The following FAM199X variants were observed in gnomAD, a reference collection of about 807,000 sequenced individuals.
FAM199X encodes the protein family with sequence similarity 199, X-linked.
FAM199X carries 4 observed loss-of-function variants against 22.9 expected under a neutral mutation model. That is an observed-to-expected ratio of 0.17 (90% CI 0.09 to 0.40). FAM199X has a LOEUF of 0.40. Ranked by LOEUF, FAM199X falls within the 10% of genes least tolerant of loss-of-function variation. The pLI is 1.00. For missense variants in FAM199X, 183 were observed against 306.8 expected (o/e 0.60, Z 3.01); for synonymous variants, 101 against 112.3 (o/e 0.90, Z 0.64).
the FAM199X span, among the ~76,000 whole-genome samples, chrX:104,160,363 T>C: frequency 8.9e-6 from 1 of 112,986 alleles, no homozygotes; most frequent in Non-Finnish European, 1.9e-5. Flanking sequence ...TTGTGCTTCA[T>C]TGTGGAAAAA....
At chrX:104,185,918 T>C (rs918508243) in intron 2 of FAM199X, 148 bp from the exon 3 acceptor site, 15 of 552,638 alleles carry the variant, frequency 2.7e-5, no homozygotes, top group Non-Finnish European at 3.6e-5. Context: ...ATTAGTCTTA[T>C]ATTAAAGGAA....
intron 2 of FAM199X, among the ~76,000 whole-genome samples, chrX:104,179,264 A>T (rs1556377230): frequency 1.8e-5 from 2 of 112,070 alleles, no homozygotes; most frequent in African/African-American, 6.5e-5. Context: ...AAATATTCCG[A>T]TTCATTAATA....
At chrX:104,159,585 T>C in the FAM199X span, among the ~76,000 whole-genome samples, 2 of 112,569 alleles carry the variant, frequency 1.8e-5, no homozygotes, top group African/African-American at 6.5e-5. Context: ...TATGTTTCAG[T>C]TATTTGTTTC....
In FAM199X at chrX:104,166,972, C is replaced by T; in HGVS notation, c.187C>T (p.His63Tyr). ...CHRTDPLHRF[H>Y]TNRWNLTSCG... Reference sequence around the variant, plus strand: ...TCGCACCGACCCGCTCCACCGCTTCCACACCAACAGGTACGAACTGCACCT... The same window carrying T: ...TCGCACCGACCCGCTCCACCGCTTCTACACCAACAGGTACGAACTGCACCT... The change falls in exon 1 of 6, where the codon CAC (histidine) becomes TAC (tyrosine). Residue 63 changes from histidine (H) to tyrosine (Y), a missense_variant. By Grantham distance (83) the His-to-Tyr change is moderately conservative. Coordinates refer to ENST00000493442, the MANE Select transcript of FAM199X (RefSeq NM_207318.4). The T allele has an allele frequency of 1.7e-6, 2 of 1,165,509 alleles. No individual in the cohort carries two copies. The highest frequency in any genetic ancestry group is 2.3e-6 in the Non-Finnish European group (2 of 870,227).
At chrX:104,167,929 G>GT in intron 1 of FAM199X, among the ~76,000 whole-genome samples, 1 of 110,990 alleles carries the variant, frequency 9.0e-6, no homozygotes, top group East Asian at 2.8e-4. Context: ...CTAGGAGAGG[G>GT]GTTCAGCTAT....
intron 2 of FAM199X, among the ~76,000 whole-genome samples, chrX:104,179,267 C>G (rs1172181767): frequency 8.9e-6 from 1 of 111,875 alleles, no homozygotes; most frequent in Non-Finnish European, 1.9e-5. Context: ...TATTCCGATT[C>G]ATTAATATGA....
chrX:104,183,104 T>G (rs781994410), intron 2 of FAM199X, among the ~76,000 whole-genome samples: 8 of 111,780 alleles, frequency 7.2e-5, no homozygotes, highest in African/African-American at 2.6e-4. Flanking sequence ...GGTACAAATT[T>G]AAGTGCCTGG....
At position 104,186,170 on chromosome X, in the gene FAM199X, G is replaced by T. The variant is rs1556379084; in HGVS notation, c.522G>T (p.Arg174=). The change falls in exon 3 of 6, where the codon CGG becomes CGT. Residue 174 remains arginine (R), a synonymous_variant. Transcript: ENST00000493442. ...TTCCTAAAAAGAAAAACAAGCACCG[G>T]AATTTAGATGAACTCCCTTGGAGTG... ...CLLPKKKNKH[R]NLDELPWSAM... 1 of 1,210,511 alleles carries T rather than the reference G, an allele frequency of 8.3e-7. No homozygotes were observed. The highest frequency in any genetic ancestry group is 1.1e-6 in the Non-Finnish European group (1 of 895,196).
chrX:104,188,105 C>T lies in FAM199X; in HGVS notation c.795C>T (p.Ser265=). The part of the protein sequence containing the change: ...QRPAREAWKR[S]NFSCASTSGV... ...CTGCAAGAGAGGCCTGGAAGAGAAG[C>T]AACTTTAGTTGTGCAAGCACCAGTG... is the stretch of plus-strand genomic sequence containing the variant. The change falls in exon 5 of 6, where the codon AGC becomes AGT. Residue 265 remains serine (S), a synonymous_variant. Transcript: ENST00000493442. 1 of 1,211,779 alleles carries T rather than the reference C, an allele frequency of 8.3e-7. No individual in the cohort carries two copies. Among genetic ancestry groups the T allele is most frequent in the Non-Finnish European group, 1.1e-6 (1 of 895,557 alleles).
intron 2 of FAM199X, among the ~76,000 whole-genome samples, chrX:104,179,880 G>A (rs1193050780): frequency 9.0e-6 from 1 of 110,911 alleles, no homozygotes; most frequent in African/African-American, 3.3e-5. Context: ...CTCTCATAAG[G>A]AGGTAGGAAG....
chrX:104,178,231 A>C (rs1164925764), intron 2 of FAM199X, among the ~76,000 whole-genome samples: 2 of 110,468 alleles, frequency 1.8e-5, no homozygotes, highest in Non-Finnish European at 3.8e-5. Context: ...CAGTGACGCA[A>C]TCTCAGCTCA....
intron 2 of FAM199X, among the ~76,000 whole-genome samples, chrX:104,182,364 G>T (rs900088625): frequency 9.0e-6 from 1 of 110,870 alleles, no homozygotes; most frequent in Non-Finnish European, 1.9e-5. Flanking sequence ...TCCACGCCTA[G>T]ATTACAAGAG....
At chrX:104,172,344 A>G (rs2147890306) in intron 1 of FAM199X, among the ~76,000 whole-genome samples, 1 of 108,049 alleles carries the variant, frequency 9.3e-6, no homozygotes, top group African/African-American at 3.4e-5. Flanking sequence ...AATCAAGCCC[A>G]GGAGGTCAAG....
intron 1 of FAM199X, among the ~76,000 whole-genome samples, chrX:104,174,286 T>G (rs1268355261): frequency 1.8e-5 from 2 of 110,865 alleles, no homozygotes; most frequent in Non-Finnish European, 1.9e-5. Flanking sequence ...CCAGCCTCAA[T>G]GAGAGAAGTG....
Position 104,175,645 on chromosome X carries a change from A to T in FAM199X, c.220A>T (p.Thr74Ser). The T allele has an allele frequency of 8.3e-7, 1 of 1,210,473 alleles. No homozygotes were observed. The highest frequency in any genetic ancestry group is 1.1e-6 in the Non-Finnish European group (1 of 894,911). Reference sequence around the variant, plus strand: ...AAGGTGGAACCTAACTTCTTGTGGAACAAGTGTTGCCAGCTCAGAAGGCAG... The same window carrying T: ...AAGGTGGAACCTAACTTCTTGTGGATCAAGTGTTGCCAGCTCAGAAGGCAG... ...TNRWNLTSCG[T>S]SVASSEGSEE... Residue 74 changes from threonine (T) to serine (S), a missense_variant, in exon 2 of 6, where the codon ACA becomes TCA. Physicochemically the swap from Thr to Ser is moderately conservative, Grantham distance 58. This residue lies in a region of FAM199X where 128 missense variants were observed against 246.2 expected (regional missense o/e 0.52). Transcript: ENST00000493442.
intron 2 of FAM199X, among the ~76,000 whole-genome samples, 167 bp from the exon 3 acceptor site, chrX:104,185,899 C>T (rs782291278): frequency 1.8e-5 from 2 of 112,371 alleles, no homozygotes; most frequent in East Asian, 2.8e-4. Flanking sequence ...GCCACCACGC[C>T]GGGCTGCCAT....
At chrX:104,181,114 T>C (rs1453246001) in intron 2 of FAM199X, among the ~76,000 whole-genome samples, 1 of 112,507 alleles carries the variant, frequency 8.9e-6, no homozygotes. Flanking sequence ...GCTGTCACAC[T>C]TGAAACCTAG....
At chrX:104,170,826 A>G (rs1447774051) in intron 1 of FAM199X, among the ~76,000 whole-genome samples, 1 of 111,404 alleles carries the variant, frequency 9.0e-6, no homozygotes, top group Non-Finnish European at 1.9e-5. Flanking sequence ...TGGGGTAGCT[A>G]GGAGGAAAGT....
At chrX:104,186,677 A>G (rs1921813332) in intron 4 of FAM199X, 56 bp downstream of exon 4, 1 of 1,031,671 alleles carries the variant, frequency 9.7e-7, no homozygotes, top group African/African-American at 1.9e-5. Context: ...ATCTTATAAA[A>G]TGTAGACTAA....
Sources: allele counts gnomAD v4.1 joint callset (sites outside exome capture counted in the v4.1 genomes callset), GRCh38; gene constraint gnomAD v4.1.1; regional missense constraint gnomAD v4.1.1; transcripts MANE v1.5; gene names NCBI Gene and HGNC (gene_info 2026-07-23, HGNC 2026-07-21).